UGGT2: variants seen among roughly 807,000 people sequenced by gnomAD.
UGGT2 encodes UDP-glucose glycoprotein glucosyltransferase 2, also known as UDP-glucose:glycoprotein glucosyltransferase 2.
Under a neutral mutation model 192.1 loss-of-function variants are expected in UGGT2, and 180 were observed. The observed-to-expected ratio is 0.94, with a 90% CI of 0.83 to 1.06. The LOEUF (loss-of-function observed/expected upper bound fraction) is 1.06, where lower values mean the gene tolerates loss of function less well. Ranked by LOEUF, UGGT2 falls within the 50% of genes least tolerant of loss-of-function variation. The pLI, the probability that UGGT2 is intolerant of heterozygous loss-of-function variation, is 0.00. For missense variants in UGGT2, 1,849 were observed against 1,795.7 expected, an observed-to-expected ratio of 1.03 and a Z score of -0.54; for synonymous variants, 580 against 591.0, an observed-to-expected ratio of 0.98 and a Z score of 0.27.
intron 38 of UGGT2, among the ~76,000 whole-genome samples, chr13:95,830,929 C>A (rs572869061): frequency 6.6e-6 from 1 of 152,140 alleles, no homozygotes; most frequent in African/African-American, 2.4e-5. Flanking sequence ...ACATATACAC[C>A]ACGGAATACT....
chr13:95,840,421 G>A (rs1465055814), intron 36 of UGGT2, among the ~76,000 whole-genome samples: 4 of 152,018 alleles, frequency 2.6e-5, no homozygotes, highest in Admixed American at 6.6e-5. Context: ...ACACTTATGC[G>A]ACCAACAAAC....
intron 1 of UGGT2, among the ~76,000 whole-genome samples, chr13:96,034,346 G>C (rs2052933615): frequency 6.6e-6 from 1 of 152,208 alleles, no homozygotes; most frequent in South Asian, 2.1e-4. Context: ...TCTGCCAGCA[G>C]AAAGGAGCTA....
At chr13:95,810,747 A>G (rs991043039) in intron 38 of UGGT2, among the ~76,000 whole-genome samples, 3 of 152,178 alleles carry the variant, frequency 2.0e-5, no homozygotes, top group Admixed American at 6.5e-5. Flanking sequence ...AAACACAAGC[A>G]AGGAAAGACA....
intron 12 of UGGT2, among the ~76,000 whole-genome samples, chr13:95,967,569 G>A (rs1212910629): frequency 6.8e-6 from 1 of 147,606 alleles, no homozygotes; most frequent in Non-Finnish European, 1.5e-5. Context: ...CACCTCTCAG[G>A]TTCAAGCGAT....
At chr13:95,834,135 A>C (rs1357858323) in intron 37 of UGGT2, among the ~76,000 whole-genome samples, 2 of 152,112 alleles carry the variant, frequency 1.3e-5, no homozygotes, top group Non-Finnish European at 2.9e-5. Context: ...AGATAATGGG[A>C]CTAATTCTTT....
intron 36 of UGGT2, among the ~76,000 whole-genome samples, chr13:95,839,706 T>C (rs527938168): frequency 2.0e-5 from 3 of 152,350 alleles, no homozygotes; most frequent in South Asian, 4.1e-4. Flanking sequence ...TTTCATGACC[T>C]GTCAAACTGT....
rs141303079 is a variant in UGGT2 at position 95,829,834 on chromosome 13, C to T, written c.4528+3093G>A. Among the ~76,000 whole-genome samples the T allele has an allele frequency of 5.3e-3, 801 of 152,222 alleles. 11 individuals are homozygous for T. The highest frequency in any genetic ancestry group is 0.044 in the East Asian group (229 of 5,170). On this transcript the variant is annotated intron_variant, in intron 38 of 38. Transcript: ENST00000376747. ...CCTGCATTGCCAAGACAATCCTAAGCCAAATGAACAAAGCTGGAGGCATCA... is the reference window on the plus strand; with the variant it reads ...CCTGCATTGCCAAGACAATCCTAAGTCAAATGAACAAAGCTGGAGGCATCA...
intron 36 of UGGT2, among the ~76,000 whole-genome samples, chr13:95,845,314 G>C (rs552930165): frequency 6.8e-6 from 1 of 146,532 alleles, no homozygotes; most frequent in African/African-American, 2.5e-5. Context: ...CCTAGGCAGA[G>C]GGCCCTGCCG....
chr13:96,017,286 G>A (rs574754416), intron 4 of UGGT2, among the ~76,000 whole-genome samples: 1 of 152,282 alleles, frequency 6.6e-6, no homozygotes, highest in East Asian at 1.9e-4. Flanking sequence ...TTGGGGGCTA[G>A]GAAAAGAATG....
chr13:95,814,144 C>G (rs1566535305), intron 38 of UGGT2, among the ~76,000 whole-genome samples: 2 of 152,218 alleles, frequency 1.3e-5, no homozygotes, highest in African/African-American at 2.4e-5. Flanking sequence ...GTACCCCCCA[C>G]AGAGAGTCCC....
chr13:95,900,842 G>A lies in UGGT2; in HGVS notation c.2599C>T (p.Arg867Cys), dbSNP rs139265775. The A allele has an allele frequency of 2.1e-5, 34 of 1,611,180 alleles. No individual in the cohort carries two copies. The highest frequency in any genetic ancestry group is 2.2e-5 in the South Asian group (2 of 90,744). The change falls in exon 22 of 39, where the codon CGT becomes TGT. Residue 867 changes from arginine to cysteine, a missense_variant. Arg to Cys is a radical substitution (Grantham distance 180). Coordinates refer to ENST00000376747, the MANE Select transcript of UGGT2 (RefSeq NM_020121.4). ...CTGACAATACCCATTTCTCCAGGAC[G>A]TAATTTAAGTACATCTTGACAGAAC... ...QLFCQDVLKL[R>C]PGEMGIVSNG...
chr13:95,840,845 C>T (rs1342233920), intron 36 of UGGT2, among the ~76,000 whole-genome samples: 1 of 152,112 alleles, frequency 6.6e-6, no homozygotes, highest in Non-Finnish European at 1.5e-5. Flanking sequence ...ATGTGGCAGA[C>T]ATATACCATG....
chr13:95,943,479 G>A (rs1256459722), intron 15 of UGGT2, among the ~76,000 whole-genome samples: 1 of 151,860 alleles, frequency 6.6e-6, no homozygotes, highest in African/African-American at 2.4e-5. Context: ...ATTACAGAAA[G>A]TACTCTCATG....
chr13:96,033,860 G>A (rs540722909), intron 1 of UGGT2, among the ~76,000 whole-genome samples: 18 of 152,290 alleles, frequency 1.2e-4, no homozygotes, highest in Middle Eastern at 6.8e-3. Context: ...CCCATGACGC[G>A]AACTGCCTGG....
At chr13:95,996,272 T>C in intron 6 of UGGT2, 137 bp from the exon 7 acceptor site, 1 of 680,442 alleles carries the variant, frequency 1.5e-6, no homozygotes. Context: ...GAGGCCGAGG[T>C]GGGTAAATCA....
intron 36 of UGGT2, among the ~76,000 whole-genome samples, chr13:95,851,246 T>C (rs1438352496): frequency 6.6e-6 from 1 of 152,210 alleles, no homozygotes; most frequent in Non-Finnish European, 1.5e-5. Context: ...CTTGAGTTCT[T>C]GACTTTTTAA....
chr13:96,049,610 T>C (rs1159100890), intron 1 of UGGT2, among the ~76,000 whole-genome samples: 1 of 152,228 alleles, frequency 6.6e-6, no homozygotes, highest in Non-Finnish European at 1.5e-5. Context: ...CTCCTTAAGC[T>C]GATAAGCAAC....
chr13:95,895,346 G>T (rs1179084476), intron 22 of UGGT2, 42 bp from the exon 23 acceptor site: 2 of 1,209,478 alleles, frequency 1.7e-6, no homozygotes, highest in African/African-American at 1.6e-5. Flanking sequence ...TCTTCTAGAA[G>T]ATATCAGTTT....
intron 30 of UGGT2, among the ~76,000 whole-genome samples, 197 bp from the exon 31 acceptor site, chr13:95,863,911 G>A (rs949377808): frequency 1.3e-5 from 2 of 152,078 alleles, no homozygotes; most frequent in Admixed American, 6.6e-5. Context: ...TCTTTGTTCA[G>A]TTTCTTCAGT....
Sources: gnomAD v4.1 joint callset for allele counts (sites outside exome capture counted in the v4.1 genomes callset) on GRCh38, gnomAD v4.1.1 for gene constraint, MANE v1.5 for transcripts, NCBI Gene and HGNC (gene_info 2026-07-23, HGNC 2026-07-21) for gene names.